The following LAMB3 variants were observed in gnomAD, a reference collection of about 807,000 sequenced individuals.
The protein encoded by LAMB3 is laminin subunit beta 3, also known as laminin subunit beta-3.
LAMB3 carries 104 observed loss-of-function variants against 140.3 expected under a neutral mutation model. The ratio of observed to expected loss-of-function variants is 0.74; its 90% CI spans 0.63 to 0.87. The LOEUF (loss-of-function observed/expected upper bound fraction) is 0.87, where lower values mean the gene tolerates loss of function less well. LAMB3 is among the 40% of genes least tolerant of loss of function. The pLI, the probability that LAMB3 is intolerant of heterozygous loss-of-function variation, is 0.00. For synonymous variants in LAMB3, 592 were observed against 602.9 expected, an observed-to-expected ratio of 0.98 and a Z score of 0.26; for missense variants, 1,531 against 1,575.2, an observed-to-expected ratio of 0.97 and a Z score of 0.47.
Position 209,615,210 on chromosome 1 carries a change from C to G in LAMB3, c.*61G>C. On this transcript the variant is annotated 3_prime_UTR_variant, in exon 23 of 23. Transcript: ENST00000356082. ...GAGATGGAAAGCATTCCAACCCAATCTGCCCCCAACCAAAAGCAAAGGCGG... is the reference window on the plus strand; with the variant it reads ...GAGATGGAAAGCATTCCAACCCAATGTGCCCCCAACCAAAAGCAAAGGCGG... 2.5e-6 allele frequency: 4 copies of G among 1,610,904 alleles called. No homozygotes were observed. The South Asian group carries it at 4.4e-5, about 18-fold the overall frequency.
intron 3 of LAMB3, among the ~76,000 whole-genome samples, chr1:209,639,886 C>T (rs2076451343): frequency 6.6e-6 from 1 of 152,220 alleles, no homozygotes; most frequent in Admixed American, 6.5e-5. Context: ...TCCCTCCACA[C>T]ACCCTGTACC....
intron 8 of LAMB3, among the ~76,000 whole-genome samples, chr1:209,632,256 T>C (rs1199663604): frequency 6.6e-6 from 1 of 152,110 alleles, no homozygotes; most frequent in East Asian, 1.9e-4. Flanking sequence ...TATCTTAGGG[T>C]GGAGGGCTGG....
rs768377367 is a variant in LAMB3 at position 209,629,835 on chromosome 1, T to C, written c.1034A>G (p.Asn345Ser). The C allele has an allele frequency of 2.5e-6, 4 of 1,614,150 alleles. No individual in the cohort carries two copies. In the South Asian group the frequency reaches 3.3e-5, roughly 13 times the overall value. Residue 345 changes from asparagine (N) to serine (S), a missense_variant, in exon 10 of 23, where the codon AAT becomes AGT. Asn to Ser is a conservative substitution (Grantham distance 46). Coordinates refer to ENST00000356082, the MANE Select transcript of LAMB3 (RefSeq NM_000228.3). ...CTTGCCTTCGGTGTGGTCCCGGCAATTGTCACACACACCTCCATATGCCCC... is the reference window on the plus strand; with the variant it reads ...CTTGCCTTCGGTGTGGTCCCGGCAACTGTCACACACACCTCCATATGCCCC... Reference protein sequence around the residue: ...SQGAYGGVCDNCRDHTEGKNC... With the variant: ...SQGAYGGVCDSCRDHTEGKNC...
intron 3 of LAMB3, among the ~76,000 whole-genome samples, chr1:209,644,893 G>T (rs907326432): frequency 6.6e-6 from 1 of 152,170 alleles, no homozygotes; most frequent in African/African-American, 2.4e-5. Flanking sequence ...GGGGTAGATG[G>T]CCAGGAAAAG....
intron 3 of LAMB3, among the ~76,000 whole-genome samples, chr1:209,646,387 C>T (rs962941796): frequency 6.6e-6 from 1 of 152,294 alleles, no homozygotes; most frequent in Non-Finnish European, 1.5e-5. Context: ...GTTGACTAAC[C>T]CAGCTCCTTC....
Position 209,626,991 on chromosome 1 carries a change from A to G in LAMB3, c.1486-13T>C, listed in dbSNP as rs774456465. 2.5e-6 allele frequency: 4 copies of G among 1,580,236 alleles called. No individual in the cohort carries two copies. The South Asian group carries it at 3.3e-5, about 13-fold the overall frequency. On this transcript the variant is annotated splice_polypyrimidine_tract_variant and intron_variant, in intron 12 of 22. Coordinates refer to ENST00000356082, the MANE Select transcript of LAMB3 (RefSeq NM_000228.3). ...ACTGCCCTGTGAACTGCGTGGGGAG[A>G]GCACCGTCAGTGGACCCTGCCTCAC...
chr1:209,644,183 C>T (rs918836012), intron 3 of LAMB3, among the ~76,000 whole-genome samples: 1 of 152,196 alleles, frequency 6.6e-6, no homozygotes, highest in African/African-American at 2.4e-5. Context: ...CAAAAGGCAG[C>T]ACCTAGTGCA....
chr1:209,625,669 GC>G lies in LAMB3; in HGVS notation c.1954del (p.Ala652ProfsTer55). On this transcript the variant is annotated frameshift_variant, in exon 14 of 23. Coordinates refer to ENST00000356082, the MANE Select transcript of LAMB3 (RefSeq NM_000228.3). LOFTEE classifies it high-confidence loss of function. ...TTACCTGAGGGAGAGGATGGCACTG[GC>G]CACCTGAGCCACCTCCTGCTCTGTG... ...AVTEQEVAQV[A>X]SAILSLRRTL... is the part of the protein sequence containing the mutation. The G allele has an allele frequency of 6.2e-7, 1 of 1,614,158 alleles. No homozygotes were observed. Among genetic ancestry groups the G allele is most frequent in the South Asian group, 1.1e-5 (1 of 91,088 alleles).
chr1:209,615,222 A>G lies in LAMB3; in HGVS notation c.*49T>C, dbSNP rs1294984981. 2.5e-6 allele frequency: 4 copies of G among 1,612,944 alleles called. No homozygotes were observed. The Admixed American group carries it at 5.0e-5, about 20-fold the overall frequency. The stretch of plus-strand genomic sequence containing the variant: ...ATTCCAACCCAATCTGCCCCCAACC[A>G]AAAGCAAAGGCGGCAGATGAGTGGG... On this transcript the variant is annotated 3_prime_UTR_variant, in exon 23 of 23. Transcript: ENST00000356082.
rs1278883872 is a variant in LAMB3 at position 209,636,539 on chromosome 1, CCT to C, written c.372+1367_372+1368del. 3.3e-5 allele frequency among the ~76,000 whole-genome samples: 5 copies of C among 152,270 alleles called. No homozygotes were observed. In the East Asian group the frequency reaches 9.6e-4, roughly 29 times the overall value. On this transcript the variant is annotated intron_variant, in intron 5 of 22. Coordinates refer to ENST00000356082, the MANE Select transcript of LAMB3 (RefSeq NM_000228.3). Reference sequence around the variant, plus strand: ...TGAATCTTCAGTCTGCTCCCCTCCCCCTGTGTATACCTGGAAACTCATCTCGC... The same window carrying C: ...TGAATCTTCAGTCTGCTCCCCTCCCCGTGTATACCTGGAAACTCATCTCGC...
chr1:209,650,161 G>T, intron 2 of LAMB3, 43 bp from the exon 3 acceptor site: 1 of 1,584,206 alleles, frequency 6.3e-7, no homozygotes, highest in East Asian at 2.3e-5. Context: ...CAGAAAAAAA[G>T]GGACCTCACT....
chr1:209,620,894 A>G (rs1666164851), intron 18 of LAMB3, among the ~76,000 whole-genome samples: 1 of 152,070 alleles, frequency 6.6e-6, no homozygotes, highest in South Asian at 2.1e-4. Flanking sequence ...CTGTGACCCT[A>G]TATCGGACAG....
intron 18 of LAMB3, among the ~76,000 whole-genome samples, chr1:209,621,341 C>T (rs1666184844): frequency 6.6e-6 from 1 of 152,178 alleles, no homozygotes; most frequent in Non-Finnish European, 1.5e-5. Flanking sequence ...TAATATTTTC[C>T]CCAGGTGAGT....
intron 10 of LAMB3, among the ~76,000 whole-genome samples, chr1:209,629,002 T>A (rs1345693036): frequency 6.6e-6 from 1 of 152,212 alleles, no homozygotes; most frequent in Non-Finnish European, 1.5e-5. Context: ...TCTGTCTCAC[T>A]CTTCCCAGAA....
intron 10 of LAMB3, 71 bp from the exon 11 acceptor site, chr1:209,628,261 G>T: frequency 6.6e-7 from 1 of 1,515,704 alleles, no homozygotes; most frequent in Non-Finnish European, 8.9e-7. Flanking sequence ...CCAGGAGCCA[G>T]GCTGCCTGGT....
intron 3 of LAMB3, among the ~76,000 whole-genome samples, chr1:209,640,878 G>A (rs948230827): frequency 5.9e-5 from 9 of 151,782 alleles, no homozygotes; most frequent in Non-Finnish European, 1.0e-4. Context: ...TCAGGAGATC[G>A]AGACCATCCT....
intron 3 of LAMB3, among the ~76,000 whole-genome samples, chr1:209,643,137 G>T (rs2076485707): frequency 6.6e-6 from 1 of 152,238 alleles, no homozygotes; most frequent in Non-Finnish European, 1.5e-5. Flanking sequence ...CTGAAATAGA[G>T]TAGTTTATGG....
At chr1:209,627,965 G>C in intron 11 of LAMB3, 70 bp downstream of exon 11, 3 of 1,526,472 alleles carry the variant, frequency 2.0e-6, no homozygotes, top group South Asian at 2.4e-5. Context: ...ACAGTGAGCA[G>C]GGCAAGCCGT....
chr1:209,616,463 T>C lies in LAMB3; in HGVS notation c.3382+8A>G, dbSNP rs886045858. 1 of 1,613,908 alleles carries C rather than the reference T, an allele frequency of 6.2e-7. No homozygotes were observed. The highest frequency in any genetic ancestry group is 8.5e-7 in the Non-Finnish European group (1 of 1,179,920). On this transcript the variant is annotated splice_region_variant and intron_variant, in intron 22 of 22. Coordinates refer to ENST00000356082, the MANE Select transcript of LAMB3 (RefSeq NM_000228.3). ...CCAATAGTCCATGCCCCTAAACCATTCCCTCACCTTTCATCCTGTCCATCA... is the reference window on the plus strand; with the variant it reads ...CCAATAGTCCATGCCCCTAAACCATCCCCTCACCTTTCATCCTGTCCATCA...
Sources: gnomAD v4.1 joint callset for allele counts (sites outside exome capture counted in the v4.1 genomes callset) on GRCh38, gnomAD v4.1.1 for gene constraint, MANE v1.5 for transcripts, NCBI Gene and HGNC (gene_info 2026-07-23, HGNC 2026-07-21) for gene names.